Variants in GIGYF1 observed in about 807,000 individuals in gnomAD.
GIGYF1 encodes GRB10 interacting GYF protein 1.
In GIGYF1, 84 loss-of-function variants were observed where a neutral mutation model predicts 147.1. That is an observed-to-expected ratio of 0.57 (90% confidence interval 0.48 to 0.68). GIGYF1 has a LOEUF of 0.68. Among genes scored for constraint, GIGYF1 ranks in the 30% least tolerant of loss-of-function variants. The pLI is 0.00. For synonymous variants in GIGYF1, 752 were observed against 589.5 expected (o/e 1.28, Z -3.99); for missense variants, 1,485 against 1,393.7 (o/e 1.07, Z -1.04).
chr7:100,690,034 G>A (rs2131398339), intron 1 of GIGYF1, among the ~76,000 whole-genome samples: 1 of 152,348 alleles, frequency 6.6e-6, no homozygotes. Flanking sequence ...GGATCCTGGG[G>A]CCGCTGGTGG....
At position 100,686,391 on chromosome 7, in the gene GIGYF1, C is replaced by CGTTCCCCAT. The variant is rs1240969700; in HGVS notation, c.728_736dup (p.His243_Glu245dup). 1.9e-6 allele frequency: 3 copies of CGTTCCCCAT among 1,610,946 alleles called. No individual in the cohort carries two copies. The highest frequency in any genetic ancestry group is 2.7e-5 in the African/African-American group (2 of 74,860). ...CAAATCAAATTCAAACTTGCGCCGC[C>CGTTCCCCAT]GTTCCCCATGTTCCCGCCAGCCAGC... On this transcript the variant is annotated inframe_insertion, in exon 11 of 27. Transcript: ENST00000678049.
chr7:100,691,442 A>G (rs1215778237), intron 1 of GIGYF1, among the ~76,000 whole-genome samples: 1 of 152,080 alleles, frequency 6.6e-6, no homozygotes, highest in Non-Finnish European at 1.5e-5. Context: ...TCATTCCCTA[A>G]TTACACTGTC....
Position 100,687,316 on chromosome 7 carries a change from C to T in GIGYF1, c.464G>A (p.Ser155Asn). The change falls in exon 8 of 27, where the codon AGC becomes AAC. Residue 155 changes from serine (S) to asparagine (N), a missense_variant. By Grantham distance (46) the Ser-to-Asn change is conservative. Coordinates refer to ENST00000678049, the MANE Select transcript of GIGYF1 (RefSeq NM_001375765.1). ...GCCCCACCTGTCATCCCAGCTCTGGCTGCGCTGGATTTCCCGGGGGCTTCG... is the reference window on the plus strand; with the variant it reads ...GCCCCACCTGTCATCCCAGCTCTGGTTGCGCTGGATTTCCCGGGGGCTTCG... ...FGRSPREIQR[S>N]QSWDDRGERR... 6.2e-7 allele frequency: 1 copy of T among 1,613,128 alleles called. No individual in the cohort carries two copies. Among genetic ancestry groups the T allele is most frequent in the Non-Finnish European group, 8.5e-7 (1 of 1,179,912 alleles).
Position 100,681,568 on chromosome 7 carries a change from T to G in GIGYF1, c.*151A>C. Reference sequence around the variant, plus strand: ...TGTAAAGTGCCTCGTGGTGGGTGAGTTAAGGTGCATCGTGTGTTTGTAACA... The same window carrying G: ...TGTAAAGTGCCTCGTGGTGGGTGAGGTAAGGTGCATCGTGTGTTTGTAACA... On this transcript the variant is annotated 3_prime_UTR_variant, in exon 27 of 27. Transcript: ENST00000678049. 1 of 537,006 alleles carries G rather than the reference T, an allele frequency of 1.9e-6. No homozygotes were observed. Among genetic ancestry groups the G allele is most frequent in the Non-Finnish European group, 3.1e-6 (1 of 322,824 alleles). The allele number at this position is 537,006 out of a possible 1,614,324, so 33.3% of individuals were successfully genotyped here. A position where few individuals can be genotyped will look rare whatever the true frequency, so the allele number is the denominator to read the frequency against.
chr7:100,686,372 A>G lies in GIGYF1; in HGVS notation c.756T>C (p.Phe252=). ...EHGERRRKFE[F]DLRGDRGGCG... ...ACCCTCCTCGATCCCCTCGCAAATC[A>G]AATTCAAACTTGCGCCGCCGTTCCC... The change falls in exon 11 of 27, where the codon TTT becomes TTC. Residue 252 remains phenylalanine, a synonymous_variant. Coordinates refer to ENST00000678049, the MANE Select transcript of GIGYF1 (RefSeq NM_001375765.1). 1 of 1,610,880 alleles carries G rather than the reference A, an allele frequency of 6.2e-7. No homozygotes were observed. The highest frequency in any genetic ancestry group is 8.5e-7 in the Non-Finnish European group (1 of 1,178,970).
At chr7:100,684,999 G>A (rs1439265137) in intron 14 of GIGYF1, 50 bp downstream of exon 14, 1 of 1,556,036 alleles carries the variant, frequency 6.4e-7, no homozygotes, top group East Asian at 2.3e-5. Context: ...GGCCAAGCAG[G>A]TCAGGTCAGA....
chr7:100,686,623 C>G (rs11975502), intron 10 of GIGYF1, 26 bp downstream of exon 10: 23,506 of 1,593,734 alleles, frequency 0.015, 231 homozygotes, highest in Non-Finnish European at 0.016. Flanking sequence ...ACTGCCCCCG[C>G]CAATGCTACC....
intron 26 of GIGYF1, 42 bp from the exon 27 acceptor site, chr7:100,681,813 T>G (rs778962428): frequency 8.7e-6 from 14 of 1,601,866 alleles, no homozygotes; most frequent in Non-Finnish European, 1.0e-5. Context: ...TCTCCTGGGC[T>G]CCTCCTGCCC....
chr7:100,679,630 A>T lies in GIGYF1; in HGVS notation c.*2089T>A, dbSNP rs1027174420. 6.6e-6 allele frequency: 1 copy of T among 152,586 alleles called. No individual in the cohort carries two copies. The highest frequency in any genetic ancestry group is 1.5e-5 in the Non-Finnish European group (1 of 68,094). 9.5% of individuals were successfully genotyped at this position (152,586 alleles called of 1,614,324 possible). ...TGTGGGTACAAGGCAGACAGGGAAC[A>T]CGGTGACCCCTGCACCCACCCCAAC... is the stretch of plus-strand genomic sequence containing the variant. On this transcript the variant is annotated 3_prime_UTR_variant, in exon 27 of 27. Coordinates refer to ENST00000678049, the MANE Select transcript of GIGYF1 (RefSeq NM_001375765.1).
Position 100,682,393 on chromosome 7 carries a change from C to T in GIGYF1, c.2690G>A (p.Arg897Lys), listed in dbSNP as rs375479483. The change falls in exon 24 of 27, where the codon AGG becomes AAG. Residue 897 changes from arginine (R) to lysine (K), a missense_variant. Arg to Lys is a conservative substitution (Grantham distance 26). Coordinates refer to ENST00000678049, the MANE Select transcript of GIGYF1 (RefSeq NM_001375765.1). ...CCACTGGGTGAAGCCGTCCTGGGGCCTGGGAATGCCCTGCAGCAGCTTCAG... is the reference window on the plus strand; with the variant it reads ...CCACTGGGTGAAGCCGTCCTGGGGCTTGGGAATGCCCTGCAGCAGCTTCAG... ...KLLKLLQGIP[R>K]PQDGFTQWCE... 10 of 1,613,660 alleles carry T rather than the reference C, an allele frequency of 6.2e-6. No individual in the cohort carries two copies. In the African/African-American group the frequency reaches 1.2e-4, roughly 19 times the overall value.
In GIGYF1 at chr7:100,683,369, G is replaced by A. The variant is rs776772139; in HGVS notation, c.2128C>T (p.Arg710Cys). The change falls in exon 21 of 27, where the codon CGC becomes TGC. Residue 710 changes from arginine (R) to cysteine (C), a missense_variant. Arg to Cys is a radical substitution (Grantham distance 180). Coordinates refer to ENST00000678049, the MANE Select transcript of GIGYF1 (RefSeq NM_001375765.1). ...EERKRREEKR[R>C]QQQQEEQKRR... ...TTCTGCTCCTCCTGCTGCTGCTGGC[G>A]GCGCTTCTCCTCTCGACGCTTGCGT... 1.7e-5 allele frequency: 28 copies of A among 1,613,504 alleles called. No individual in the cohort carries two copies. Among genetic ancestry groups the A allele is most frequent in the East Asian group, 4.5e-5 (2 of 44,886 alleles).
At chr7:100,683,976 C>CAA in intron 18 of GIGYF1, 44 bp downstream of exon 18, 7 of 970,094 alleles carry the variant, frequency 7.2e-6, no homozygotes, top group Non-Finnish European at 1.1e-5. Flanking sequence ...CTGCCCCCAT[C>CAA]CCCCCCCCAC....
Position 100,689,298 on chromosome 7 carries a change from A to C in GIGYF1, c.-841T>G, listed in dbSNP as rs1050437916. Reference sequence around the variant, plus strand: ...CCACCAAGGGAACGAGGATCTCAGGATACCAGCTGGGAAGCAGCCTCTGGC... The same window carrying C: ...CCACCAAGGGAACGAGGATCTCAGGCTACCAGCTGGGAAGCAGCCTCTGGC... On this transcript the variant is annotated 5_prime_UTR_variant, in exon 2 of 27. Transcript: ENST00000678049. The C allele has an allele frequency of 1.3e-5, 2 of 152,422 alleles. No individual in the cohort carries two copies. The highest frequency in any genetic ancestry group is 2.4e-5 in the African/African-American group (1 of 41,472). 9.4% of individuals were successfully genotyped at this position (152,422 alleles called of 1,614,324 possible).
At position 100,687,055 on chromosome 7, in the gene GIGYF1, G is replaced by A; in HGVS notation, c.483-9C>T. 2.5e-6 allele frequency: 4 copies of A among 1,613,874 alleles called. No individual in the cohort carries two copies. The African/African-American group carries it at 4.0e-5, about 16-fold the overall frequency. On this transcript the variant is annotated splice_polypyrimidine_tract_variant and intron_variant, in intron 8 of 26. Transcript: ENST00000678049. Reference sequence around the variant, plus strand: ...CAAACCGCCTCTCGCCTCTGCAGCAGGGGAAACGTGTGGGTCAGAAACAGT... The same window carrying A: ...CAAACCGCCTCTCGCCTCTGCAGCAAGGGAAACGTGTGGGTCAGAAACAGT...
Position 100,686,282 on chromosome 7 carries a change from T to C in GIGYF1, c.846A>G (p.Glu282=), listed in dbSNP as rs141528726. Residue 282 remains glutamate (E), a synonymous_variant, in exon 11 of 27, where the codon GAA becomes GAG. Coordinates refer to ENST00000678049, the MANE Select transcript of GIGYF1 (RefSeq NM_001375765.1). ...SSHLRRCRAP[E]GFEEDKDGLP... ...GCCCATCCTTGTCCTCCTCAAAGCC[T>C]TCAGGCGCTCGGCACCGCCGCAGGT... is the stretch of plus-strand genomic sequence containing the variant. The C allele has an allele frequency of 6.9e-4, 1,118 of 1,613,928 alleles. 1 individual carries two copies. The highest frequency in any genetic ancestry group is 8.7e-4 in the Non-Finnish European group (1,031 of 1,179,954).
chr7:100,682,906 AGGCTGGGACTGG>A, intron 22 of GIGYF1, 94 bp downstream of exon 22: 1 of 1,270,436 alleles, frequency 7.9e-7, no homozygotes, highest in East Asian at 2.5e-5. Context: ...ATCACAGGAG[AGGCTGGGACTGG>A]GGCTGGGGCT....
Position 100,683,192 on chromosome 7 carries a change from C to T in GIGYF1, c.2232G>A (p.Gln744=), listed in dbSNP as rs746509851. 1 of 1,608,524 alleles carries T rather than the reference C, an allele frequency of 6.2e-7. No homozygotes were observed. Among genetic ancestry groups the T allele is most frequent in the Admixed American group, 1.7e-5 (1 of 59,932 alleles). The change falls in exon 22 of 27, where the codon CAG becomes CAA. Residue 744 remains glutamine, a synonymous_variant. Transcript: ENST00000678049. ...CGGGGGGCACAGGGACCGCCTGCTG[C>T]TGCTGTAGCAACTTCAGCAATAGCT... The part of the protein sequence containing the change: ...QQELLLKLLQ[Q]QQAVPVPPAP...
intron 10 of GIGYF1, 105 bp from the exon 11 acceptor site, chr7:100,686,538 C>T (rs1202258019): frequency 1.1e-5 from 17 of 1,521,094 alleles, no homozygotes; most frequent in East Asian, 9.1e-5. Context: ...GTCCCGGCCA[C>T]TCCCACACCA....
rs1328143046 is a variant in GIGYF1, at chr7:100,680,626, C to T, written c.*1093G>A. ...TGGTCCACATCTTACGAGCTGGCTACAGGTTGGGGCCCCGGGCGGCAGCCC... is the reference window on the plus strand; with the variant it reads ...TGGTCCACATCTTACGAGCTGGCTATAGGTTGGGGCCCCGGGCGGCAGCCC... On this transcript the variant is annotated 3_prime_UTR_variant, in exon 27 of 27. Coordinates refer to ENST00000678049, the MANE Select transcript of GIGYF1 (RefSeq NM_001375765.1). The T allele has an allele frequency of 6.6e-6, 1 of 152,580 alleles. No homozygotes were observed. The highest frequency in any genetic ancestry group is 2.4e-5 in the African/African-American group (1 of 41,468). The allele number at this position is 152,580 out of a possible 1,614,324, so 9.5% of individuals were successfully genotyped here. A position where few individuals can be genotyped will look rare whatever the true frequency, so the allele number is the denominator to read the frequency against.
Sources: gnomAD v4.1 joint callset for allele counts (sites outside exome capture counted in the v4.1 genomes callset) on GRCh38, gnomAD v4.1.1 for gene constraint, MANE v1.5 for transcripts, NCBI Gene and HGNC (gene_info 2026-07-23, HGNC 2026-07-21) for gene names.